Variants in GRIK2 observed in about 807,000 individuals in gnomAD.
GRIK2 encodes the protein glutamate ionotropic receptor kainate type subunit 2.
GRIK2 carries 32 observed loss-of-function variants against 100.3 expected under a neutral mutation model. The ratio of observed to expected loss-of-function variants is 0.32; its 90% CI spans 0.24 to 0.43. The LOEUF is 0.43. Ranked by LOEUF, GRIK2 falls within the 20% of genes least tolerant of loss-of-function variation. The pLI is 1.00. For synonymous variants in GRIK2, 417 were observed against 389.4 expected (o/e 1.07, Z -0.83); for missense variants, 843 against 1,114.9 (o/e 0.76, Z 3.47).
At chr6:101,732,683 C>T (rs1775358169) in intron 7 of GRIK2, among the ~76,000 whole-genome samples, 1 of 152,002 alleles carries the variant, frequency 6.6e-6, no homozygotes, top group South Asian at 2.1e-4. Context: ...GTGTCTAAAT[C>T]CAAACCTTTC....
intron 2 of GRIK2, among the ~76,000 whole-genome samples, chr6:101,426,773 C>G (rs1890277): frequency 0.056 from 8,448 of 152,164 alleles, 395 homozygotes; most frequent in South Asian, 0.14. Flanking sequence ...GATTCCTTCC[C>G]TTTTCTTCCC....
intron 7 of GRIK2, among the ~76,000 whole-genome samples, chr6:101,703,140 C>T (rs959440778): frequency 2.0e-5 from 3 of 151,688 alleles, no homozygotes; most frequent in Non-Finnish European, 2.9e-5. Context: ...TAATGTTTTA[C>T]GAGTTTGAAA....
At chr6:101,883,289 A>AAATAATAATAATAATAATAAT (rs143808702) in intron 11 of GRIK2, among the ~76,000 whole-genome samples, 2 of 144,302 alleles carry the variant, frequency 1.4e-5, no homozygotes, top group African/African-American at 5.1e-5. Context: ...TCTCTTTGGC[A>AAATAATAATAATAATAATAAT]AATAATAATA....
intron 7 of GRIK2, among the ~76,000 whole-genome samples, chr6:101,787,476 C>T (rs538065615): frequency 1.1e-4 from 17 of 151,912 alleles, no homozygotes; most frequent in South Asian, 4.2e-4. Flanking sequence ...TTCCTGTATC[C>T]GGTGTGTTTT....
chr6:101,897,940 A>G (rs1015784980), intron 12 of GRIK2, among the ~76,000 whole-genome samples: 1 of 151,852 alleles, frequency 6.6e-6, no homozygotes, highest in African/African-American at 2.4e-5. Context: ...AGTCCTTTCA[A>G]ATGGATGGTT....
chr6:102,048,735 T>C (rs1771026411), intron 15 of GRIK2, among the ~76,000 whole-genome samples: 1 of 152,136 alleles, frequency 6.6e-6, no homozygotes, highest in Non-Finnish European at 1.5e-5. Flanking sequence ...TGTAATATTA[T>C]TAGTAGTCTA....
chr6:101,637,334 G>T (rs529694598), intron 4 of GRIK2, among the ~76,000 whole-genome samples: 1 of 151,988 alleles, frequency 6.6e-6, no homozygotes, highest in Admixed American at 6.6e-5. Flanking sequence ...TACATCTAAC[G>T]CAACATAACA....
intron 11 of GRIK2, among the ~76,000 whole-genome samples, chr6:101,883,104 A>G (rs960527829): frequency 2.0e-4 from 30 of 152,076 alleles, no homozygotes; most frequent in African/African-American, 7.2e-4. Flanking sequence ...ACCTCAACAG[A>G]AACAGTGGGC....
At chr6:101,838,733 C>T (rs1783307962) in intron 10 of GRIK2, among the ~76,000 whole-genome samples, 1 of 151,166 alleles carries the variant, frequency 6.6e-6, no homozygotes, top group African/African-American at 2.4e-5. Context: ...CTCACTGCAA[C>T]CTCTGCCTCC....
intron 5 of GRIK2, among the ~76,000 whole-genome samples, chr6:101,678,082 G>GGAAAA (rs1447510943): frequency 2.0e-5 from 3 of 152,016 alleles, no homozygotes; most frequent in Non-Finnish European, 4.4e-5. Context: ...ACACAGGCTT[G>GGAAAA]GAAAAGAGAC....
chr6:101,904,299 A>G (rs1285529300), intron 12 of GRIK2, among the ~76,000 whole-genome samples: 2 of 151,488 alleles, frequency 1.3e-5, no homozygotes, highest in Non-Finnish European at 3.0e-5. Flanking sequence ...GAAGCATAAG[A>G]TCGTGTCACA....
At chr6:101,664,367 C>G (rs1413892098) in intron 4 of GRIK2, among the ~76,000 whole-genome samples, 1 of 152,188 alleles carries the variant, frequency 6.6e-6, no homozygotes, top group Non-Finnish European at 1.5e-5. Flanking sequence ...GCAAGCACAG[C>G]TCTTATATCA....
chr6:101,814,842 G>A (rs1313074344), intron 9 of GRIK2, among the ~76,000 whole-genome samples: 1 of 152,036 alleles, frequency 6.6e-6, no homozygotes, highest in African/African-American at 2.4e-5. Flanking sequence ...ATTATCTTTG[G>A]TGCCAGGAGA....
chr6:102,068,414 A>T lies in GRIK2; in HGVS notation c.2630A>T (p.His877Leu). 1.2e-6 allele frequency: 2 copies of T among 1,612,200 alleles called. No homozygotes were observed. The highest frequency in any genetic ancestry group is 2.2e-5 in the South Asian group (2 of 91,050). ...CTGAAGTGCCAGCGTCGGTTAAAACATAAGCCACAGGCCCCAGTTATTGTG... is the reference window on the plus strand; with the variant it reads ...CTGAAGTGCCAGCGTCGGTTAAAACTTAAGCCACAGGCCCCAGTTATTGTG... ...MSLKCQRRLKHKPQAPVIVKT... is the reference protein window; with the variant it reads ...MSLKCQRRLKLKPQAPVIVKT... The change falls in exon 17 of 17, where the codon CAT becomes CTT. Residue 877 changes from histidine to leucine, a missense_variant. His to Leu is a moderately conservative substitution (Grantham distance 99). This residue lies in a region of GRIK2 where 87 missense variants were observed against 83.2 expected (regional missense o/e 1.05). Coordinates refer to ENST00000369134, the MANE Select transcript of GRIK2 (RefSeq NM_021956.5).
At chr6:101,702,299 A>G (rs1247040934) in intron 7 of GRIK2, among the ~76,000 whole-genome samples, 1 of 152,026 alleles carries the variant, frequency 6.6e-6, no homozygotes, top group Non-Finnish European at 1.5e-5. Context: ...TGCAAAACAG[A>G]AGAGGAAATT....
chr6:101,546,755 T>C (rs956676692), intron 2 of GRIK2, among the ~76,000 whole-genome samples: 1 of 151,452 alleles, frequency 6.6e-6, no homozygotes, highest in African/African-American at 2.4e-5. Context: ...ATAGTTGCAG[T>C]GCCTCTTAAA....
At chr6:101,774,278 T>C (rs1015519691) in intron 7 of GRIK2, among the ~76,000 whole-genome samples, 1 of 152,154 alleles carries the variant, frequency 6.6e-6, no homozygotes, top group African/African-American at 2.4e-5. Flanking sequence ...AAGGTAAATA[T>C]AAACAACATT....
chr6:101,857,390 G>T (rs1784481009), intron 10 of GRIK2, among the ~76,000 whole-genome samples: 1 of 152,194 alleles, frequency 6.6e-6, no homozygotes, highest in Non-Finnish European at 1.5e-5. Context: ...AGGAGGTGAG[G>T]CTGCAGGGTG....
chr6:101,781,537 A>G (rs1470314168), intron 7 of GRIK2, among the ~76,000 whole-genome samples: 1 of 152,170 alleles, frequency 6.6e-6, no homozygotes, highest in Non-Finnish European at 1.5e-5. Context: ...CCTGTAGTAG[A>G]TACATACATA....
Sources: gnomAD v4.1 joint callset for allele counts (sites outside exome capture counted in the v4.1 genomes callset) on GRCh38, gnomAD v4.1.1 for gene constraint, gnomAD v4.1.1 regional missense constraint, MANE v1.5 for transcripts, NCBI Gene and HGNC (gene_info 2026-07-23, HGNC 2026-07-21) for gene names.